Variants in PDE3B observed in about 807,000 individuals in gnomAD.
PDE3B encodes the protein phosphodiesterase 3B.
Under a neutral mutation model 116.8 loss-of-function variants are expected in PDE3B, and 66 were observed. That is an observed-to-expected ratio of 0.56 (90% CI 0.46 to 0.69). The LOEUF is 0.69. Ranked by LOEUF, PDE3B falls within the 30% of genes least tolerant of loss-of-function variation. PDE3B has a pLI of 0.00. For missense variants in PDE3B, 1,384 were observed against 1,368.1 expected (o/e 1.01, Z -0.18); for synonymous variants, 595 against 533.6 (o/e 1.12, Z -1.59).
At chr11:14,752,014 C>A (rs537834197) in intron 1 of PDE3B, among the ~76,000 whole-genome samples, 5 of 152,160 alleles carry the variant, frequency 3.3e-5, no homozygotes, top group Admixed American at 6.6e-5. Flanking sequence ...CAGGAAGGTT[C>A]ACCACAAGTA....
chr11:14,770,680 A>G (rs1590130087), intron 1 of PDE3B, among the ~76,000 whole-genome samples: 3 of 151,612 alleles, frequency 2.0e-5, no homozygotes, highest in African/African-American at 7.2e-5. Flanking sequence ...TATCAGAGCC[A>G]TTTTGTGGGC....
the PDE3B span, among the ~76,000 whole-genome samples, chr11:14,889,159 C>A: frequency 7.5e-6 from 1 of 132,654 alleles, no homozygotes; most frequent in Non-Finnish European, 1.6e-5. Context: ...TTTTAAAGTC[C>A]AGTTGTTTTT....
At chr11:14,851,654 C>G (rs151112099) in intron 12 of PDE3B, among the ~76,000 whole-genome samples, 39 of 152,116 alleles carry the variant, frequency 2.6e-4, no homozygotes, top group African/African-American at 8.2e-4. Context: ...TGCCCACTTT[C>G]TAAGTATTAT....
At chr11:14,805,853 A>G (rs995977417) in intron 5 of PDE3B, among the ~76,000 whole-genome samples, 1 of 152,228 alleles carries the variant, frequency 6.6e-6, no homozygotes, top group African/African-American at 2.4e-5. Context: ...ACACTTCTCA[A>G]AAGAAGACAT....
intron 2 of PDE3B, among the ~76,000 whole-genome samples, chr11:14,779,121 GA>G (rs1195698061): frequency 6.6e-6 from 1 of 152,018 alleles, no homozygotes; most frequent in Non-Finnish European, 1.5e-5. Flanking sequence ...GAAATTTAGA[GA>G]AAAAAGAAAG....
intron 1 of PDE3B, among the ~76,000 whole-genome samples, chr11:14,739,320 T>A (rs535767319): frequency 1.3e-5 from 2 of 152,362 alleles, no homozygotes; most frequent in South Asian, 4.1e-4. Context: ...GTCCTTCACA[T>A]CCCTTGTAAG....
chr11:14,708,395 T>G (rs1855596279), intron 1 of PDE3B, among the ~76,000 whole-genome samples: 1 of 152,068 alleles, frequency 6.6e-6, no homozygotes, highest in Non-Finnish European at 1.5e-5. Flanking sequence ...CAGCCTCAGG[T>G]ATTCCTTTAT....
the PDE3B span, among the ~76,000 whole-genome samples, chr11:14,888,003 T>C: frequency 6.6e-6 from 1 of 152,356 alleles, no homozygotes; most frequent in Admixed American, 6.5e-5. Flanking sequence ...GCCTTTGTTC[T>C]TGCTCTTTTC....
chr11:14,827,637 T>C (rs569823842), intron 7 of PDE3B, among the ~76,000 whole-genome samples: 1 of 152,212 alleles, frequency 6.6e-6, no homozygotes, highest in East Asian at 1.9e-4. Flanking sequence ...CAATGAGAAT[T>C]ACAAAACACT....
chr11:14,724,686 A>C (rs905015329), intron 1 of PDE3B, among the ~76,000 whole-genome samples: 1 of 152,228 alleles, frequency 6.6e-6, no homozygotes, highest in Admixed American at 6.5e-5. Context: ...CAGGCCAGAG[A>C]TAAGAATGTT....
At chr11:14,875,530 T>G (rs1277585349), downstream of PDE3B, among the ~76,000 whole-genome samples, 57 of 152,310 alleles carry the variant, frequency 3.7e-4, no homozygotes, top group Non-Finnish European at 1.5e-4. Flanking sequence ...ATTGCGTAGA[T>G]CCAATGTATC....
At chr11:14,769,499 A>G (rs376820429) in intron 1 of PDE3B, among the ~76,000 whole-genome samples, 15 of 150,728 alleles carry the variant, frequency 1.0e-4, no homozygotes, top group African/African-American at 2.7e-4. Flanking sequence ...CTTTCACAAA[A>G]TATAAGCTAA....
At chr11:14,818,467 G>T in intron 6 of PDE3B, 74 bp downstream of exon 6, 1 of 974,686 alleles carries the variant, frequency 1.0e-6, no homozygotes, top group Non-Finnish European at 1.6e-6. Flanking sequence ...TTTTGGATAG[G>T]TTCTTGGAAA....
intron 1 of PDE3B, among the ~76,000 whole-genome samples, chr11:14,698,647 A>G (rs1046424953): frequency 5.9e-5 from 9 of 151,942 alleles, no homozygotes; most frequent in African/African-American, 2.4e-5. Flanking sequence ...GTGCTTAGGA[A>G]GTGTTTTCTT....
At chr11:14,814,646 A>C (rs4757269) in intron 5 of PDE3B, among the ~76,000 whole-genome samples, 55,088 of 152,050 alleles carry the variant, frequency 0.36, 11,416 homozygotes, top group South Asian at 0.46. Flanking sequence ...CATGAACATT[A>C]ATAACCTCTT....
At chr11:14,741,373 T>G (rs984776244) in intron 1 of PDE3B, among the ~76,000 whole-genome samples, 7 of 152,154 alleles carry the variant, frequency 4.6e-5, no homozygotes, top group Non-Finnish European at 8.8e-5. Flanking sequence ...CTTTGTGTCT[T>G]TTGAGCTTTG....
Position 14,854,247 on chromosome 11 carries a change from C to G in PDE3B, c.2521-4796C>G, listed in dbSNP as rs187994959. On this transcript the variant is annotated intron_variant, in intron 12 of 15. Transcript: ENST00000282096. Reference sequence around the variant, plus strand: ...ACACCTTTATGCAGAGTGACTAAAACCCTATGTTTACCTCCAGGCAGAAAA... The same window carrying G: ...ACACCTTTATGCAGAGTGACTAAAAGCCTATGTTTACCTCCAGGCAGAAAA... 6.4e-4 allele frequency among the ~76,000 whole-genome samples: 97 copies of G among 152,232 alleles called. 1 individual carries two copies. The Middle Eastern group carries it at 0.01, about 16-fold the overall frequency.
At chr11:14,721,474 C>G (rs1272011187) in intron 1 of PDE3B, among the ~76,000 whole-genome samples, 1 of 151,312 alleles carries the variant, frequency 6.6e-6, no homozygotes, top group Non-Finnish European at 1.5e-5. Flanking sequence ...CACATGCACA[C>G]GTATGTTTAT....
intron 1 of PDE3B, among the ~76,000 whole-genome samples, chr11:14,736,172 A>C (rs1261525293): frequency 6.6e-6 from 1 of 152,172 alleles, no homozygotes; most frequent in Non-Finnish European, 1.5e-5. Context: ...CCCTGAACTG[A>C]AGCCCAGTTG....
Sources: allele counts gnomAD v4.1 joint callset (sites outside exome capture counted in the v4.1 genomes callset), GRCh38; gene constraint gnomAD v4.1.1; transcripts MANE v1.5; gene names NCBI Gene and HGNC (gene_info 2026-07-23, HGNC 2026-07-21).